Variants in PDLIM3 observed in about 807,000 individuals in gnomAD.
PDLIM3 encodes PDZ and LIM domain 3.
In PDLIM3, 36 loss-of-function variants were observed where a neutral mutation model predicts 37.3. That is an observed-to-expected ratio of 0.97 (90% CI 0.74 to 1.28). PDLIM3 has a LOEUF of 1.28. PDLIM3 is among the 50% of genes most tolerant of loss of function. PDLIM3 has a pLI of 0.00. For missense variants in PDLIM3, 454 were observed against 485.0 expected (o/e 0.94, Z 0.60); for synonymous variants, 174 against 182.4 (o/e 0.95, Z 0.37).
rs140749249 is a variant in PDLIM3, at chr4:185,526,653, A to G, written c.94-1482T>C. 5.1e-4 allele frequency among the ~76,000 whole-genome samples: 78 copies of G among 152,304 alleles called. 1 individual carries two copies. The highest frequency in any genetic ancestry group is 1.8e-3 in the African/African-American group (73 of 41,556). ...CTATACACCTCTGTCTAGACCTCAC[A>G]TGGGTCTTACCTTGCCTACTTCTCT... On this transcript the variant is annotated intron_variant, in intron 1 of 7. Coordinates refer to ENST00000284767, the MANE Select transcript of PDLIM3 (RefSeq NM_014476.6).
At position 185,518,969 on chromosome 4, in the gene PDLIM3, T is replaced by C. The variant is rs1461536970; in HGVS notation, c.330+4393A>G. Among the ~76,000 whole-genome samples, 11 of 152,218 alleles carry C rather than the reference T, an allele frequency of 7.2e-5. No individual in the cohort carries two copies. In the East Asian group the frequency reaches 1.5e-3, roughly 21 times the overall value. On this transcript the variant is annotated intron_variant, in intron 3 of 7. Coordinates refer to ENST00000284767, the MANE Select transcript of PDLIM3 (RefSeq NM_014476.6). ...TTCTTGTATTGTGACAGGCACAGTA[T>C]ACCTTTGAGTTGTTCCACTAACATT...
At position 185,502,253 on chromosome 4, in the gene PDLIM3, G is replaced by T. The variant is rs942451918; in HGVS notation, c.*41C>A. ...CATGAATGTCTTCTCGTGTAAGTGCGCGTGGGTGGGTGCGTGCGTGCGTGC... is the reference window on the plus strand; with the variant it reads ...CATGAATGTCTTCTCGTGTAAGTGCTCGTGGGTGGGTGCGTGCGTGCGTGC... On this transcript the variant is annotated 3_prime_UTR_variant, in exon 8 of 8. Transcript: ENST00000284767. 3.1e-6 allele frequency: 5 copies of T among 1,589,018 alleles called. No individual in the cohort carries two copies. The highest frequency in any genetic ancestry group is 4.3e-6 in the Non-Finnish European group (5 of 1,157,446).
At position 185,514,179 on chromosome 4, in the gene PDLIM3, C is replaced by A. The variant is rs1322635046; in HGVS notation, c.398+91G>T. ...AAGCTTCGCAATGAGAAAAGCCACT[C>A]CAAACATCTACCAGTTACTTTTCTT... On this transcript the variant is annotated intron_variant, in intron 4 of 7. Coordinates refer to ENST00000284767, the MANE Select transcript of PDLIM3 (RefSeq NM_014476.6). The surrounding 1 kb of genome is among the most constrained non-coding windows in gnomAD (Gnocchi z 4.0). 1.2e-6 allele frequency: 2 copies of A among 1,611,370 alleles called. No individual in the cohort carries two copies. The highest frequency in any genetic ancestry group is 1.7e-6 in the Non-Finnish European group (2 of 1,178,834).
chr4:185,515,640 T>C (rs1580250682), intron 3 of PDLIM3: 1 of 152,146 alleles, frequency 6.6e-6, no homozygotes, highest in African/African-American at 2.4e-5. Context: ...AAAATGTGTA[T>C]GGTTCACAGG....
intron 4 of PDLIM3, chr4:185,513,826 C>G (rs1033344443): frequency 6.5e-6 from 7 of 1,084,742 alleles, no homozygotes; most frequent in Non-Finnish European, 7.9e-6. Flanking sequence ...TGATCAGTTT[C>G]TCTACTGAGA....
rs62347360 is a variant in PDLIM3, at chr4:185,506,581, G to A, written c.734C>T (p.Thr245Ile). ...GAAGGAGCCCGACTGGCGAGGCTGT[G>A]TGGGCTCATTCCGATTGTCGTGGAG... Reference protein sequence around the residue: ...RMLHDNRNEPTQPRQSGSFRV... With the variant: ...RMLHDNRNEPIQPRQSGSFRV... The change falls in exon 6 of 8, where the codon ACA (threonine) becomes ATA (isoleucine). Residue 245 changes from threonine (T) to isoleucine (I), a missense_variant. Thr to Ile is a moderately conservative substitution (Grantham distance 89). Coordinates refer to ENST00000284767, the MANE Select transcript of PDLIM3 (RefSeq NM_014476.6). The A allele has an allele frequency of 0.023, 37,781 of 1,612,954 alleles. 587 individuals carry two copies. The highest frequency in any genetic ancestry group is 0.027 in the Non-Finnish European group (32,378 of 1,180,006).
At chr4:185,528,764 TAGAG>T (rs777332033) in intron 1 of PDLIM3, among the ~76,000 whole-genome samples, 3 of 152,086 alleles carry the variant, frequency 2.0e-5, no homozygotes, top group South Asian at 2.1e-4. Context: ...AAAAAGGAAA[TAGAG>T]AGAGGAATGA....
At chr4:185,520,476 T>G (rs2095722269) in intron 3 of PDLIM3, among the ~76,000 whole-genome samples, 1 of 69,012 alleles carries the variant, frequency 1.4e-5, no homozygotes, top group Non-Finnish European at 6.1e-5. Flanking sequence ...TCATTTGTAG[T>G]ATTGTAAATA....
At position 185,535,387 on chromosome 4, in the gene PDLIM3, C is replaced by T. The variant is rs1345291628; in HGVS notation, c.48G>A (p.Arg16=). ...GGTTGAAGTCTATGCCCCCTGAGAG[C>T]CTGAAGCCCCAGGGCGCAGGGCCCG... ...ILPGPAPWGF[R]LSGGIDFNQP... Residue 16 remains arginine (R), a synonymous_variant, in exon 1 of 8, where the codon AGG becomes AGA. Transcript: ENST00000284767. The T allele has an allele frequency of 7.5e-6, 12 of 1,608,070 alleles. No homozygotes were observed. Among genetic ancestry groups the T allele is most frequent in the Non-Finnish European group, 1.0e-5 (12 of 1,177,564 alleles).
intron 4 of PDLIM3, among the ~76,000 whole-genome samples, chr4:185,509,879 G>A (rs1005862003): frequency 5.3e-5 from 8 of 151,550 alleles, no homozygotes; most frequent in Non-Finnish European, 7.4e-5. Context: ...TGTTGCAGCC[G>A]GATTAGTCTG....
At chr4:185,506,789 T>C (rs1257122461) in intron 5 of PDLIM3, 137 bp from the exon 6 acceptor site, 1 of 731,856 alleles carries the variant, frequency 1.4e-6, no homozygotes, top group Non-Finnish European at 2.3e-6. Flanking sequence ...TTCAAGTGAA[T>C]CTCTAGTATA....
chr4:185,522,029 C>T lies in PDLIM3; in HGVS notation c.330+1333G>A, dbSNP rs889746362. Among the ~76,000 whole-genome samples, 30 of 66,120 alleles carry T rather than the reference C, an allele frequency of 4.5e-4. 7 individuals carry two copies. The highest frequency in any genetic ancestry group is 6.8e-4 in the Admixed American group (4 of 5,892). The allele number at this position is 66,120 out of a possible 152,430, so 43.4% of individuals were successfully genotyped here. A position where few individuals can be genotyped will look rare whatever the true frequency, so the allele number is the denominator to read the frequency against. ...TACCTTCCCTTTAGTCAAAACTCTA[C>T]GACAACAATCTAATAAACTCATTTC... On this transcript the variant is annotated intron_variant, in intron 3 of 7. Coordinates refer to ENST00000284767, the MANE Select transcript of PDLIM3 (RefSeq NM_014476.6).
chr4:185,509,297 C>A (rs1411149467), intron 4 of PDLIM3, among the ~76,000 whole-genome samples: 1 of 152,134 alleles, frequency 6.6e-6, no homozygotes, highest in African/African-American at 2.4e-5. Context: ...TGCTTATCAC[C>A]TTGAAATTAA....
At position 185,535,348 on chromosome 4, in the gene PDLIM3, G is replaced by C. The variant is rs747078028; in HGVS notation, c.87C>G (p.Ile29Met). 1 of 1,607,852 alleles carries C rather than the reference G, an allele frequency of 6.2e-7. No homozygotes were observed. The highest frequency in any genetic ancestry group is 1.7e-5 in the Admixed American group (1 of 59,582). The change falls in exon 1 of 8, where the codon ATC (isoleucine) becomes ATG (methionine). Residue 29 changes from isoleucine to methionine, a missense_variant. Physicochemically the swap from Ile to Met is conservative, Grantham distance 10. Transcript: ENST00000284767. ...CAAGAATGCCGACACCTACCCTGGTGATGACCAAAGGCTGGTTGAAGTCTA... is the reference window on the plus strand; with the variant it reads ...CAAGAATGCCGACACCTACCCTGGTCATGACCAAAGGCTGGTTGAAGTCTA... ...GGIDFNQPLV[I>M]TRITPGSKAA... is the part of the protein sequence containing the mutation.
chr4:185,535,064 C>T (rs1387513146), intron 1 of PDLIM3, among the ~76,000 whole-genome samples: 1 of 152,258 alleles, frequency 6.6e-6, no homozygotes, highest in South Asian at 2.1e-4. Context: ...GCCTCGCCTT[C>T]CCTGAGCCCA....
At chr4:185,509,306 A>G (rs1334050791) in intron 4 of PDLIM3, among the ~76,000 whole-genome samples, 4 of 152,206 alleles carry the variant, frequency 2.6e-5, no homozygotes, top group Non-Finnish European at 5.9e-5. Flanking sequence ...CCTTGAAATT[A>G]ATGATTAGAG....
At chr4:185,532,045 G>A (rs200076155) in intron 1 of PDLIM3, among the ~76,000 whole-genome samples, 1 of 151,984 alleles carries the variant, frequency 6.6e-6, no homozygotes, top group Non-Finnish European at 1.5e-5. Context: ...TTGCAGTGAG[G>A]CGAGATCGCG....
At chr4:185,505,658 C>T (rs1197499566) in intron 6 of PDLIM3, among the ~76,000 whole-genome samples, 5 of 152,002 alleles carry the variant, frequency 3.3e-5, no homozygotes, top group Admixed American at 3.3e-4. Flanking sequence ...CTGTTTGAGT[C>T]CCTGCTTTCA....
rs550839839 is a variant in PDLIM3 at position 185,525,947 on chromosome 4, A to C, written c.94-776T>G. Among the ~76,000 whole-genome samples the C allele has an allele frequency of 5.1e-4, 78 of 152,336 alleles. 1 individual carries two copies. Among genetic ancestry groups the C allele is most frequent in the African/African-American group, 1.8e-3 (73 of 41,582 alleles). On this transcript the variant is annotated intron_variant, in intron 1 of 7. Transcript: ENST00000284767. ...ACTTATAAGCCACCCAGTCTATTGC[A>C]CTTTGTTTAGAAATCTGTAGAGACT...
Sources: gnomAD v4.1 joint callset for allele counts (sites outside exome capture counted in the v4.1 genomes callset) on GRCh38, gnomAD v4.1.1 for gene constraint, Gnocchi (gnomAD v3.1) non-coding constraint, MANE v1.5 for transcripts, NCBI Gene and HGNC (gene_info 2026-07-23, HGNC 2026-07-21) for gene names.